Variants in TMCC1 observed in about 807,000 individuals in gnomAD.
The protein encoded by TMCC1 is transmembrane and coiled-coil domains protein 1.
A neutral mutation model predicts 52.4 loss-of-function variants in TMCC1; 15 were observed. The observed-to-expected ratio is 0.29, with a 90% CI of 0.19 to 0.44. The LOEUF (loss-of-function observed/expected upper bound fraction) is 0.44. Among genes scored for constraint, TMCC1 ranks in the 20% least tolerant of loss-of-function variants. The pLI is 1.00. For synonymous variants in TMCC1, 279 were observed against 301.9 expected (o/e 0.92, Z 0.79); for missense variants, 503 against 806.0 (o/e 0.62, Z 4.55).
chr3:129,855,009 G>A lies in TMCC1; in HGVS notation c.-183-22183C>T, dbSNP rs1256779024. Among the ~76,000 whole-genome samples, 3 of 152,108 alleles carry A rather than the reference G, an allele frequency of 2.0e-5. No individual in the cohort carries two copies. The East Asian group carries it at 5.8e-4, about 29-fold the overall frequency. On this transcript the variant is annotated intron_variant, in intron 2 of 6. Coordinates refer to ENST00000393238, the MANE Select transcript of TMCC1 (RefSeq NM_001017395.5). Reference sequence around the variant, plus strand: ...CCATGCTCAAAAATCATGAGATATGGTCCAGACTGCCTAAGTCAAAGTTCA... The same window carrying A: ...CCATGCTCAAAAATCATGAGATATGATCCAGACTGCCTAAGTCAAAGTTCA...
At chr3:129,778,977 G>T (rs529575496) in intron 4 of TMCC1, among the ~76,000 whole-genome samples, 289 of 152,012 alleles carry the variant, frequency 1.9e-3, no homozygotes, top group African/African-American at 6.5e-3. Context: ...CCTAACAGGG[G>T]TTTTGTTTTG....
At chr3:129,682,859 G>A (rs1307126720) in intron 4 of TMCC1, among the ~76,000 whole-genome samples, 2 of 152,074 alleles carry the variant, frequency 1.3e-5, no homozygotes, top group African/African-American at 2.4e-5. Flanking sequence ...TTTTGAGACA[G>A]AGTTTCGCTC....
chr3:129,675,550 T>C (rs1359138118), intron 4 of TMCC1, among the ~76,000 whole-genome samples: 1 of 152,222 alleles, frequency 6.6e-6, no homozygotes, highest in Admixed American at 6.5e-5. Flanking sequence ...TTAAAAAATT[T>C]AAATGTTAAG....
At chr3:129,868,572 G>A (rs562097768) in intron 2 of TMCC1, among the ~76,000 whole-genome samples, 1 of 152,304 alleles carries the variant, frequency 6.6e-6, no homozygotes, top group East Asian at 1.9e-4. Flanking sequence ...CCAAGGAGCT[G>A]GGATCACAGG....
chr3:129,792,566 A>G (rs2056551411), intron 4 of TMCC1, among the ~76,000 whole-genome samples: 1 of 152,114 alleles, frequency 6.6e-6, no homozygotes, highest in African/African-American at 2.4e-5. Flanking sequence ...GGCCACGCTG[A>G]TCCATTTGCT....
chr3:129,759,274 T>TC (rs2053284186), intron 4 of TMCC1, among the ~76,000 whole-genome samples: 1 of 151,844 alleles, frequency 6.6e-6, no homozygotes, highest in African/African-American at 2.4e-5. Context: ...ATGACTTTTT[T>TC]TTTTTTTTTT....
intron 4 of TMCC1, among the ~76,000 whole-genome samples, chr3:129,687,422 G>A (rs1227978714): frequency 6.6e-6 from 1 of 152,124 alleles, no homozygotes; most frequent in African/African-American, 2.4e-5. Context: ...CCAGAAGCAA[G>A]ACTCCAAAAT....
chr3:129,685,496 G>C (rs915551274), intron 4 of TMCC1, among the ~76,000 whole-genome samples: 1 of 152,054 alleles, frequency 6.6e-6, no homozygotes, highest in African/African-American at 2.4e-5. Flanking sequence ...ATCTGATACA[G>C]AAAGGGTAAG....
intron 4 of TMCC1, among the ~76,000 whole-genome samples, chr3:129,823,016 A>T (rs2058491447): frequency 1.3e-5 from 2 of 152,212 alleles, no homozygotes; most frequent in African/African-American, 4.8e-5. Flanking sequence ...GATTTGCCAT[A>T]ACTTTAATTT....
intron 4 of TMCC1, among the ~76,000 whole-genome samples, chr3:129,821,176 C>A (rs1290262194): frequency 6.6e-6 from 1 of 152,152 alleles, no homozygotes; most frequent in African/African-American, 2.4e-5. Context: ...ACACTAAGTA[C>A]ATGATAAAAG....
At chr3:129,843,570 T>TA (rs2059522937) in intron 2 of TMCC1, among the ~76,000 whole-genome samples, 1 of 151,892 alleles carries the variant, frequency 6.6e-6, no homozygotes, top group Non-Finnish European at 1.5e-5. Context: ...CAATAGATGT[T>TA]AAAAAAGAAT....
chr3:129,809,991 T>C (rs1241275649), intron 4 of TMCC1, among the ~76,000 whole-genome samples: 1 of 152,194 alleles, frequency 6.6e-6, no homozygotes, highest in Non-Finnish European at 1.5e-5. Context: ...AAGTCAAACT[T>C]GTCTTGAATT....
At chr3:129,698,463 A>G (rs933636509) in intron 4 of TMCC1, among the ~76,000 whole-genome samples, 1 of 152,214 alleles carries the variant, frequency 6.6e-6, no homozygotes, top group African/African-American at 2.4e-5. Context: ...ACCATATCAC[A>G]ATGTAAATGA....
chr3:129,652,130 T>C (rs1191154604), intron 6 of TMCC1, among the ~76,000 whole-genome samples: 1 of 152,224 alleles, frequency 6.6e-6, no homozygotes, highest in African/African-American at 2.4e-5. Context: ...AGAATATATT[T>C]GTTCAACATA....
intron 4 of TMCC1, among the ~76,000 whole-genome samples, chr3:129,724,318 G>A (rs947511451): frequency 2.6e-5 from 4 of 152,180 alleles, no homozygotes; most frequent in African/African-American, 9.7e-5. Context: ...AAGTTTAATG[G>A]TAGAAAAGAA....
At chr3:129,663,304 T>C (rs1387594575) in intron 5 of TMCC1, among the ~76,000 whole-genome samples, 2 of 152,124 alleles carry the variant, frequency 1.3e-5, no homozygotes, top group Admixed American at 6.6e-5. Context: ...TGAAGAAACT[T>C]GTGGAGCAGG....
At chr3:129,736,524 CTTT>C (rs758923804) in intron 4 of TMCC1, among the ~76,000 whole-genome samples, 3 of 139,334 alleles carry the variant, frequency 2.2e-5, no homozygotes, top group Admixed American at 7.2e-5. Flanking sequence ...ATTTTCTTTT[CTTT>C]TTTTTTTTTT....
intron 2 of TMCC1, among the ~76,000 whole-genome samples, chr3:129,851,101 G>C (rs1323907444): frequency 1.3e-5 from 2 of 152,090 alleles, no homozygotes; most frequent in African/African-American, 4.8e-5. Context: ...GATTTTGGGG[G>C]GCCTATTCCC....
chr3:129,774,139 G>A (rs999434239), intron 4 of TMCC1, among the ~76,000 whole-genome samples: 2 of 152,088 alleles, frequency 1.3e-5, no homozygotes, highest in Non-Finnish European at 2.9e-5. Context: ...CCAATTCTAG[G>A]TCTGGAGGAG....
Sources: allele counts gnomAD v4.1 joint callset (sites outside exome capture counted in the v4.1 genomes callset), GRCh38; gene constraint gnomAD v4.1.1; transcripts MANE v1.5; gene names NCBI Gene and HGNC (gene_info 2026-07-23, HGNC 2026-07-21).